Variants in CDH4 observed in about 807,000 individuals in gnomAD.
CDH4 encodes cadherin-4.
CDH4 carries 33 observed loss-of-function variants against 86.0 expected under a neutral mutation model. That is an observed-to-expected ratio of 0.38 (90% confidence interval 0.29 to 0.51). The LOEUF (loss-of-function observed/expected upper bound fraction) is 0.51. Ranked by LOEUF, CDH4 falls within the 20% of genes least tolerant of loss-of-function variation. The pLI is 0.86. For missense variants in CDH4, 1,114 were observed against 1,307.4 expected (o/e 0.85, Z 2.28); for synonymous variants, 555 against 549.4 (o/e 1.01, Z -0.14).
chr20:61,438,323 C>T (rs779851507), intron 2 of CDH4, among the ~76,000 whole-genome samples: 6 of 152,202 alleles, frequency 3.9e-5, no homozygotes, highest in African/African-American at 7.2e-5. Flanking sequence ...ACATTATATA[C>T]TATGAAAATC....
chr20:61,483,671 G>GCCC (rs556546550), intron 2 of CDH4, among the ~76,000 whole-genome samples: 23 of 131,656 alleles, frequency 1.7e-4, no homozygotes, highest in African/African-American at 6.4e-4. Context: ...ACCAGCACCC[G>GCCC]CCCCCCCCGC....
intron 2 of CDH4, among the ~76,000 whole-genome samples, chr20:61,594,473 G>A (rs2086541339): frequency 6.6e-6 from 1 of 152,174 alleles, no homozygotes; most frequent in South Asian, 2.1e-4. Context: ...TATCACATGT[G>A]TGTCCCCTCA....
intron 2 of CDH4, among the ~76,000 whole-genome samples, chr20:61,314,345 C>G (rs1403290126): frequency 6.6e-6 from 1 of 152,198 alleles, no homozygotes; most frequent in Non-Finnish European, 1.5e-5. Flanking sequence ...TTAGATTCCA[C>G]GTAGAAGTGA....
chr20:61,936,265 C>G (rs1165914190), intron 15 of CDH4, among the ~76,000 whole-genome samples: 1 of 145,218 alleles, frequency 6.9e-6, no homozygotes, highest in Admixed American at 6.9e-5. Flanking sequence ...CCACACCACC[C>G]CTTGCCCTCT....
At chr20:61,857,520 C>T (rs572456214) in intron 6 of CDH4, among the ~76,000 whole-genome samples, 3 of 152,364 alleles carry the variant, frequency 2.0e-5, no homozygotes, top group South Asian at 2.1e-4. Context: ...CAGTTTCCAG[C>T]GAGGCCTGAG....
intron 7 of CDH4, among the ~76,000 whole-genome samples, chr20:61,877,906 G>T (rs1455165516): frequency 2.6e-5 from 4 of 152,124 alleles, no homozygotes; most frequent in African/African-American, 9.7e-5. Context: ...CGCGTCTTTG[G>T]CTGGGAGGAC....
At chr20:61,291,154 A>G (rs994048617) in intron 2 of CDH4, among the ~76,000 whole-genome samples, 3 of 152,094 alleles carry the variant, frequency 2.0e-5, no homozygotes, top group African/African-American at 7.2e-5. Flanking sequence ...TCCTCCCCCA[A>G]GTCCTGTCTC....
At chr20:61,917,603 C>T (rs780684035) in intron 9 of CDH4, among the ~76,000 whole-genome samples, 3 of 152,188 alleles carry the variant, frequency 2.0e-5, no homozygotes, top group Non-Finnish European at 4.4e-5. Flanking sequence ...AGCCTCCCAT[C>T]GGAGGGGAGC....
intron 2 of CDH4, among the ~76,000 whole-genome samples, chr20:61,673,035 G>C (rs949783610): frequency 1.3e-5 from 2 of 152,182 alleles, no homozygotes; most frequent in Non-Finnish European, 2.9e-5. Context: ...ATCAGAGAGA[G>C]AGATTGGAAG....
intron 2 of CDH4, among the ~76,000 whole-genome samples, chr20:61,513,718 A>C (rs923525882): frequency 1.3e-5 from 2 of 152,206 alleles, no homozygotes; most frequent in Non-Finnish European, 2.9e-5. Flanking sequence ...CTGTGTCCCA[A>C]GGAAGCTGTA....
At chr20:61,349,233 A>G (rs2084696458) in intron 2 of CDH4, among the ~76,000 whole-genome samples, 1 of 152,154 alleles carries the variant, frequency 6.6e-6, no homozygotes, top group South Asian at 2.1e-4. Flanking sequence ...AGGGCCACAT[A>G]TGCTCTACCT....
chr20:61,570,728 A>C (rs2086335663), intron 2 of CDH4: 1 of 702,388 alleles, frequency 1.4e-6, no homozygotes, highest in South Asian at 1.5e-5. Flanking sequence ...TCACGGAGGC[A>C]GGGAAAATGC....
In CDH4 at chr20:61,902,440, G is replaced by A. The variant is rs1441411700; in HGVS notation, c.1188+7393G>A. ...CCGCTCCCGTGCTCGTTGCAGGAGT[G>A]CAAGGGCAGATCCACAGAGGAGCGT... On this transcript the variant is annotated intron_variant, in intron 8 of 15. Transcript: ENST00000614565. The surrounding 1 kb of genome is among the most constrained non-coding windows in gnomAD (Gnocchi z 4.6). 6.6e-6 allele frequency among the ~76,000 whole-genome samples: 1 copy of A among 152,272 alleles called. No individual in the cohort carries two copies. The highest frequency in any genetic ancestry group is 1.9e-4 in the East Asian group (1 of 5,194).
intron 4 of CDH4, among the ~76,000 whole-genome samples, chr20:61,820,943 A>G (rs1473252854): frequency 6.6e-6 from 1 of 152,060 alleles, no homozygotes; most frequent in Admixed American, 6.5e-5. Context: ...AAAAATCCTT[A>G]AAATCCTGTT....
rs2055247958 is a variant in CDH4, at chr20:61,940,268, A to ATGT, written c.*3327_*3329dup. On this transcript the variant is annotated 3_prime_UTR_variant, in exon 16 of 16. Transcript: ENST00000614565. ...CTTTTTTCATTCCGATTTTTTTTGC[A>ATGT]TGTTTCTTTTTGAAATGGGCAAAAT... 2.0e-5 allele frequency: 3 copies of ATGT among 151,644 alleles called. No homozygotes were observed. Among genetic ancestry groups the ATGT allele is most frequent in the South Asian group, 2.1e-4 (1 of 4,798 alleles). The allele number at this position is 151,644 out of a possible 1,614,324, so 9.4% of individuals were successfully genotyped here. A position where few individuals can be genotyped will look rare whatever the true frequency, so the allele number is the denominator to read the frequency against.
At chr20:61,486,072 A>C (rs1160645295) in intron 2 of CDH4, among the ~76,000 whole-genome samples, 1 of 152,226 alleles carries the variant, frequency 6.6e-6, no homozygotes, top group Non-Finnish European at 1.5e-5. Context: ...CGCATAGGTG[A>C]GCCATGCTTT....
chr20:61,561,932 T>C (rs2086219060), intron 2 of CDH4, among the ~76,000 whole-genome samples: 1 of 152,216 alleles, frequency 6.6e-6, no homozygotes, highest in African/African-American at 2.4e-5. Flanking sequence ...ATGGCAGTAA[T>C]GCTGTGTCTG....
intron 3 of CDH4, among the ~76,000 whole-genome samples, chr20:61,746,571 G>A (rs6142847): frequency 0.21 from 32,179 of 152,182 alleles, 3,637 homozygotes; most frequent in Admixed American, 0.27. Flanking sequence ...GGCAGAGCCC[G>A]GCATGGCGCA....
intron 4 of CDH4, among the ~76,000 whole-genome samples, chr20:61,789,407 C>G (rs1979045051): frequency 6.6e-6 from 1 of 152,146 alleles, no homozygotes; most frequent in African/African-American, 2.4e-5. Context: ...AAGCAATCAG[C>G]CAAGGTGCAT....
Sources: gnomAD v4.1 joint callset for allele counts (sites outside exome capture counted in the v4.1 genomes callset) on GRCh38, gnomAD v4.1.1 for gene constraint, Gnocchi (gnomAD v3.1) non-coding constraint, MANE v1.5 for transcripts, NCBI Gene and HGNC (gene_info 2026-07-23, HGNC 2026-07-21) for gene names.